HIF3A: variants seen among roughly 807,000 people sequenced by gnomAD.
HIF3A encodes the protein hypoxia-inducible factor 3-alpha.
In HIF3A, 41 loss-of-function variants were observed where a neutral mutation model predicts 67.2. The observed-to-expected ratio is 0.61, with a 90% CI of 0.48 to 0.79. The LOEUF is 0.79. Among genes scored for constraint, HIF3A ranks in the 30% least tolerant of loss-of-function variants. HIF3A has a pLI of 0.00. For synonymous variants in HIF3A, 356 were observed against 374.8 expected, an observed-to-expected ratio of 0.95 and a Z score of 0.58; for missense variants, 855 against 898.0, an observed-to-expected ratio of 0.95 and a Z score of 0.61.
intron 10 of HIF3A, 61 bp from the exon 11 acceptor site, chr19:46,325,474 C>A: frequency 8.2e-7 from 1 of 1,212,678 alleles, no homozygotes; most frequent in Non-Finnish European, 1.2e-6. Flanking sequence ...TGCAGACTGT[C>A]TTAATGTTGA....
chr19:46,327,417 G>A (rs917135407), intron 11 of HIF3A, among the ~76,000 whole-genome samples: 3 of 151,460 alleles, frequency 2.0e-5, no homozygotes, highest in Non-Finnish European at 4.4e-5. Context: ...CCAGGTTCAA[G>A]TGATTCTCTG....
At chr19:46,309,027 C>T in intron 5 of HIF3A, 124 bp from the exon 6 acceptor site, 1 of 832,166 alleles carries the variant, frequency 1.2e-6, no homozygotes, top group East Asian at 2.7e-5. Context: ...TCCCTTTGAA[C>T]CTGAAGTCTT....
intron 12 of HIF3A, among the ~76,000 whole-genome samples, chr19:46,330,719 A>G (rs1394578581): frequency 6.8e-6 from 1 of 146,030 alleles, no homozygotes; most frequent in African/African-American, 2.6e-5. Flanking sequence ...GGATGGATGG[A>G]TGGTGGATGG....
Position 46,309,916 on chromosome 19 carries a change from G to A in HIF3A, c.770+557G>A, listed in dbSNP as rs943019172. ...AGCTTGGACAACATAGGGAGACCCC[G>A]TCTCTACAAAAAAATTAGCCAAGTG... On this transcript the variant is annotated intron_variant, in intron 6 of 14. Transcript: ENST00000377670. Among the ~76,000 whole-genome samples the A allele has an allele frequency of 6.6e-5, 10 of 151,798 alleles. No homozygotes were observed. In the South Asian group the frequency reaches 8.4e-4, roughly 13 times the overall value.
At chr19:46,307,330 A>C (rs1362709941) in intron 3 of HIF3A, among the ~76,000 whole-genome samples, 1 of 152,182 alleles carries the variant, frequency 6.6e-6, no homozygotes, top group Non-Finnish European at 1.5e-5. Flanking sequence ...AGCCAGGTGC[A>C]GTAGCTCCCA....
In HIF3A at chr19:46,320,563, T is replaced by A; in HGVS notation, c.1144+2T>A. On this transcript the variant is annotated splice_donor_variant, in intron 9 of 14. Coordinates refer to ENST00000377670, the MANE Select transcript of HIF3A (RefSeq NM_152795.4). LOFTEE classifies it high-confidence loss of function. ...CCCCTAACCCTGGGGACAGCCTTGG[T>A]ATGGGGCAGGGCTGGGGCCGGGAGG... 1 of 1,610,262 alleles carries A rather than the reference T, an allele frequency of 6.2e-7. No individual in the cohort carries two copies.
intron 4 of HIF3A, 35 bp downstream of exon 4, chr19:46,308,340 AGAG>A: frequency 7.3e-7 from 1 of 1,362,154 alleles, no homozygotes; most frequent in Non-Finnish European, 1.0e-6. Flanking sequence ...CCCACCATAC[AGAG>A]GAGGAAGCTG....
intron 10 of HIF3A, among the ~76,000 whole-genome samples, chr19:46,324,251 A>T (rs1970594008): frequency 6.6e-6 from 1 of 152,242 alleles, no homozygotes; most frequent in African/African-American, 2.4e-5. Flanking sequence ...TATTCTGAGC[A>T]TTAAGTGACA....
At chr19:46,338,928 A>C (rs1239101333) in intron 14 of HIF3A, among the ~76,000 whole-genome samples, 2 of 152,024 alleles carry the variant, frequency 1.3e-5, no homozygotes, top group Admixed American at 6.6e-5. Flanking sequence ...TTTAACTGCC[A>C]GGAAGGGGAG....
intron 11 of HIF3A, among the ~76,000 whole-genome samples, chr19:46,326,702 T>C (rs186120806): frequency 7.2e-4 from 110 of 152,246 alleles, no homozygotes; most frequent in African/African-American, 2.4e-3. Flanking sequence ...TGGGGACAAG[T>C]CATCTGTCAC....
chr19:46,320,379 G>A (rs1211373266), intron 8 of HIF3A, 64 bp from the exon 9 acceptor site: 2 of 1,317,090 alleles, frequency 1.5e-6, no homozygotes, highest in Non-Finnish European at 1.1e-6. Context: ...ACCTGAACAG[G>A]CTTTCTGGGC....
At chr19:46,306,405 G>A (rs1968856045) in intron 3 of HIF3A, 1 of 152,324 alleles carries the variant, frequency 6.6e-6, no homozygotes, top group South Asian at 2.1e-4. Context: ...AGGAATAGGG[G>A]CAGGGACCAT....
chr19:46,312,618 G>A lies in HIF3A; in HGVS notation c.990G>A (p.Gln330=). ...TGGTGTCAGGGGGACGGGGCCCCCA[G>A]TCGGAGAGTATCGTCTGTGTCCATT... ...ATVVSGGRGP[Q]SESIVCVHFL... The change falls in exon 8 of 15, where the codon CAG becomes CAA. Residue 330 remains glutamine, a synonymous_variant. Transcript: ENST00000377670. The A allele has an allele frequency of 1.3e-6, 2 of 1,588,624 alleles. No homozygotes were observed. Among genetic ancestry groups the A allele is most frequent in the Non-Finnish European group, 1.7e-6 (2 of 1,166,908 alleles).
chr19:46,303,897 G>C lies in HIF3A; in HGVS notation c.27-1G>C. ...CCAGTGAATGCTGCCCATGCCCTCA[G>C]GTCGACCACGGAGCTGCGCAAGGAA... On this transcript the variant is annotated splice_acceptor_variant, in intron 1 of 14. Transcript: ENST00000377670. LOFTEE classifies it high-confidence loss of function. 6.2e-7 allele frequency: 1 copy of C among 1,607,494 alleles called. No individual in the cohort carries two copies. The highest frequency in any genetic ancestry group is 8.5e-7 in the Non-Finnish European group (1 of 1,177,398).
At position 46,308,295 on chromosome 19, in the gene HIF3A, C is replaced by G. The variant is rs772854575; in HGVS notation, c.438C>G (p.Thr146=). 1 of 1,609,886 alleles carries G rather than the reference C, an allele frequency of 6.2e-7. No homozygotes were observed. The highest frequency in any genetic ancestry group is 8.5e-7 in the Non-Finnish European group (1 of 1,177,352). ...CDQEELQDAL[T]PQQTLSRRKV... ...AAGAGGAGCTTCAGGACGCCCTGAC[C>G]CCCCAGCAGAGTGAGTTCCCTGGAG... The change falls in exon 4 of 15, where the codon ACC becomes ACG. Residue 146 remains threonine, a synonymous_variant. Coordinates refer to ENST00000377670, the MANE Select transcript of HIF3A (RefSeq NM_152795.4).
At chr19:46,313,559 C>T (rs938708160) in intron 8 of HIF3A, among the ~76,000 whole-genome samples, 1 of 149,734 alleles carries the variant, frequency 6.7e-6, no homozygotes, top group Non-Finnish European at 1.5e-5. Flanking sequence ...TTATGGTACA[C>T]AGTTCTGTGA....
intron 11 of HIF3A, among the ~76,000 whole-genome samples, chr19:46,327,348 C>T (rs1217290259): frequency 6.7e-6 from 1 of 149,888 alleles, no homozygotes; most frequent in African/African-American, 2.5e-5. Flanking sequence ...TGGAGCCTCA[C>T]TCTATCACCC....
intron 10 of HIF3A, among the ~76,000 whole-genome samples, chr19:46,324,943 CATAT>C (rs559944273): frequency 7.6e-6 from 1 of 132,250 alleles, no homozygotes; most frequent in African/African-American, 2.8e-5. Context: ...TATATATATA[CATAT>C]ATATATATAT....
chr19:46,311,731 C>CT (rs1969441137), intron 6 of HIF3A, among the ~76,000 whole-genome samples: 3 of 151,994 alleles, frequency 2.0e-5, no homozygotes, highest in Non-Finnish European at 4.4e-5. Flanking sequence ...AGGCAGGGCA[C>CT]ACACCTGTAG....
Sources: gnomAD v4.1 joint callset for allele counts (sites outside exome capture counted in the v4.1 genomes callset) on GRCh38, gnomAD v4.1.1 for gene constraint, MANE v1.5 for transcripts, NCBI Gene and HGNC (gene_info 2026-07-23, HGNC 2026-07-21) for gene names.